Variants in LSM12 observed in about 807,000 individuals in gnomAD.
The protein encoded by LSM12 is LSM12 homolog, also known as protein LSM12.
For synonymous variants in LSM12, 74 were observed against 87.3 expected (o/e 0.85, Z 0.85); for missense variants, 108 against 238.9 (o/e 0.45, Z 3.61).
At chr17:44,053,347 TA>T (rs2049671046) in intron 2 of LSM12, among the ~76,000 whole-genome samples, 1 of 152,216 alleles carries the variant, frequency 6.6e-6, no homozygotes, top group Non-Finnish European at 1.5e-5. Context: ...CAATACAGCC[TA>T]AAAGATTTAC....
chr17:44,059,979 A>G (rs550134094), intron 2 of LSM12, among the ~76,000 whole-genome samples: 27 of 152,204 alleles, frequency 1.8e-4, no homozygotes, highest in African/African-American at 6.0e-4. Flanking sequence ...CCTGGCCAAC[A>G]TGGTGAAACC....
Position 44,036,308 on chromosome 17 carries a change from A to C in LSM12, c.496-8T>G, listed in dbSNP as rs927255021. The C allele has an allele frequency of 6.2e-7, 1 of 1,613,974 alleles. No homozygotes were observed. The highest frequency in any genetic ancestry group is 1.3e-5 in the African/African-American group (1 of 74,918). ...TCTAAAATGTTTTTCAACCTGAAAA[A>C]GACCAGGCAACCCAGGTCAACAAAG... On this transcript the variant is annotated splice_region_variant and splice_polypyrimidine_tract_variant and intron_variant, in intron 4 of 4. Transcript: ENST00000293406.
At chr17:44,044,729 G>A (rs1163598645) in intron 2 of LSM12, among the ~76,000 whole-genome samples, 1 of 152,130 alleles carries the variant, frequency 6.6e-6, no homozygotes, top group Non-Finnish European at 1.5e-5. Flanking sequence ...TTGAGGGTGG[G>A]GAGAAGGAGA....
chr17:44,044,027 G>A (rs2049529223), intron 2 of LSM12, among the ~76,000 whole-genome samples: 1 of 152,140 alleles, frequency 6.6e-6, no homozygotes, highest in South Asian at 2.1e-4. Context: ...TAAAGCTTGT[G>A]TTGACTAGAT....
intron 2 of LSM12, among the ~76,000 whole-genome samples, chr17:44,062,221 CAAA>C (rs529081923): frequency 4.7e-5 from 3 of 63,894 alleles, no homozygotes; most frequent in Non-Finnish European, 8.3e-5. Flanking sequence ...GACTCCGTCT[CAAA>C]AAAAAAAAAA....
chr17:44,042,611 C>CTGACAGAGCCCAGGA (rs1320096146), intron 2 of LSM12, among the ~76,000 whole-genome samples: 4 of 149,238 alleles, frequency 2.7e-5, no homozygotes, highest in Non-Finnish European at 4.4e-5. Context: ...GTCGCCCAGG[C>CTGACAGAGCCCAGGA]TGGAGTGCAG....
In LSM12 at chr17:44,053,638, A is replaced by G. The variant is rs566074937; in HGVS notation, c.258+10163T>C. ...TCAGAGATTCAGAGGACCAATCACA[A>G]AACAGTTCCCAGAGGTCACACATTC... On this transcript the variant is annotated intron_variant, in intron 2 of 4. Transcript: ENST00000293406. Among the ~76,000 whole-genome samples, 5 of 152,304 alleles carry G rather than the reference A, an allele frequency of 3.3e-5. No homozygotes were observed. In the South Asian group the frequency reaches 6.2e-4, roughly 19 times the overall value.
intron 2 of LSM12, among the ~76,000 whole-genome samples, chr17:44,041,583 G>C (rs531174468): frequency 6.6e-6 from 1 of 152,156 alleles, no homozygotes; most frequent in East Asian, 1.9e-4. Flanking sequence ...TGAGAAAAAC[G>C]AAGAGTCTGA....
chr17:44,065,913 G>A (rs543196666), intron 1 of LSM12, among the ~76,000 whole-genome samples: 1 of 151,738 alleles, frequency 6.6e-6, no homozygotes, highest in Admixed American at 6.6e-5. Context: ...ACTATCCCTA[G>A]CTCAGATACA....
intron 4 of LSM12, 116 bp from the exon 5 acceptor site, chr17:44,036,416 G>C (rs2049416405): frequency 1.5e-6 from 2 of 1,365,338 alleles, no homozygotes; most frequent in East Asian, 2.4e-5. Flanking sequence ...TTGGTGTCCA[G>C]GCACCTTTGC....
At position 44,061,036 on chromosome 17, in the gene LSM12, T is replaced by C. The variant is rs540649798; in HGVS notation, c.258+2765A>G. 2.6e-5 allele frequency among the ~76,000 whole-genome samples: 4 copies of C among 152,256 alleles called. No individual in the cohort carries two copies. In the East Asian group the frequency reaches 7.7e-4, roughly 29 times the overall value. ...TGGTTCTTTAATACACTAGGAATAA[T>C]GCTGGGCACAGTGGCTCACGCCTGT... is the stretch of plus-strand genomic sequence containing the variant. On this transcript the variant is annotated intron_variant, in intron 2 of 4. Transcript: ENST00000293406.
Position 44,035,677 on chromosome 17 carries a change from CAAAAAAAAAAAA to C in LSM12, c.*519_*530del, listed in dbSNP as rs71160079. The C allele has an allele frequency of 3.4e-5, 2 of 58,068 alleles. No individual in the cohort carries two copies. The highest frequency in any genetic ancestry group is 1.4e-4 in the African/African-American group (2 of 13,880). The allele number at this position is 58,068 out of a possible 1,614,324, so 3.6% of individuals were successfully genotyped here. On this transcript the variant is annotated 3_prime_UTR_variant, in exon 5 of 5. Transcript: ENST00000293406. ...AAACTAATTCAAGCCATGCCCTGTG[CAAAAAAAAAAAA>C]AAAAAGAAAAAAGAAAAAAAAAGGA...
intron 2 of LSM12, among the ~76,000 whole-genome samples, chr17:44,057,401 G>A (rs575863217): frequency 2.0e-5 from 3 of 150,128 alleles, no homozygotes; most frequent in African/African-American, 7.3e-5. Context: ...GCCCGCCTCG[G>A]CCTCTCAAAG....
intron 2 of LSM12, among the ~76,000 whole-genome samples, chr17:44,057,982 A>C (rs2049740967): frequency 6.6e-6 from 1 of 151,872 alleles, no homozygotes; most frequent in Non-Finnish European, 1.5e-5. Context: ...CACGCCTGTA[A>C]TCCCAGCACT....
intron 3 of LSM12, among the ~76,000 whole-genome samples, chr17:44,039,365 CTTTTTTTTTT>C (rs35411238): frequency 7.8e-5 from 4 of 51,056 alleles, no homozygotes; most frequent in South Asian, 1.2e-3. Context: ...AACAAAATGT[CTTTTTTTTTT>C]TTTTTTTTTT....
At chr17:44,044,638 G>A (rs1257015802) in intron 2 of LSM12, among the ~76,000 whole-genome samples, 1 of 152,160 alleles carries the variant, frequency 6.6e-6, no homozygotes, top group Non-Finnish European at 1.5e-5. Context: ...TCCTAGAGAG[G>A]ACCCCATCAA....
chr17:44,039,098 C>T (rs1476269408), intron 3 of LSM12, among the ~76,000 whole-genome samples: 1 of 152,044 alleles, frequency 6.6e-6, no homozygotes, highest in Admixed American at 6.6e-5. Context: ...TCTTGTTGCC[C>T]AGGCTGGAAT....
chr17:44,059,791 G>T (rs1217324774), intron 2 of LSM12, among the ~76,000 whole-genome samples: 2 of 152,080 alleles, frequency 1.3e-5, no homozygotes, highest in Non-Finnish European at 2.9e-5. Context: ...ACAAATATCC[G>T]GTTTTTATCA....
At chr17:44,051,502 G>A (rs767784143) in intron 2 of LSM12, among the ~76,000 whole-genome samples, 6 of 151,848 alleles carry the variant, frequency 4.0e-5, no homozygotes, top group Non-Finnish European at 7.4e-5. Context: ...GCAGTGAGGT[G>A]AGATTGCACC....
Sources: gnomAD v4.1 joint callset for allele counts (sites outside exome capture counted in the v4.1 genomes callset) on GRCh38, gnomAD v4.1.1 for gene constraint, MANE v1.5 for transcripts, NCBI Gene and HGNC (gene_info 2026-07-23, HGNC 2026-07-21) for gene names.